The following RXRG variants were observed in gnomAD, a reference collection of about 807,000 sequenced individuals.
The protein encoded by RXRG is retinoic acid receptor RXR-gamma.
A neutral mutation model predicts 49.2 loss-of-function variants in RXRG; 19 were observed. The ratio of observed to expected loss-of-function variants is 0.39; its 90% CI spans 0.27 to 0.57. The LOEUF (loss-of-function observed/expected upper bound fraction) is 0.57. Ranked by LOEUF, RXRG falls within the 20% of genes least tolerant of loss-of-function variation. The pLI is 0.64. For synonymous variants in RXRG, 224 were observed against 216.6 expected, an observed-to-expected ratio of 1.03 and a Z score of -0.30; for missense variants, 452 against 592.5, an observed-to-expected ratio of 0.76 and a Z score of 2.46.
At chr1:165,442,292 A>G (rs906914145) in intron 1 of RXRG, among the ~76,000 whole-genome samples, 3 of 152,240 alleles carry the variant, frequency 2.0e-5, no homozygotes, top group Non-Finnish European at 4.4e-5. Context: ...ACGGGGGCAG[A>G]GTCCTTTGGC....
At chr1:165,423,237 A>C (rs1658379281) in intron 2 of RXRG, among the ~76,000 whole-genome samples, 2 of 152,186 alleles carry the variant, frequency 1.3e-5, no homozygotes, top group Non-Finnish European at 2.9e-5. Context: ...CAAGTCCCCC[A>C]ATCCCGGCTG....
intron 8 of RXRG, among the ~76,000 whole-genome samples, chr1:165,408,014 T>G (rs1359267265): frequency 6.6e-6 from 1 of 152,202 alleles, no homozygotes; most frequent in African/African-American, 2.4e-5. Context: ...ACCGTCATCT[T>G]TCATCTTCCC....
chr1:165,433,868 A>G (rs566360260), intron 1 of RXRG, among the ~76,000 whole-genome samples: 1 of 152,344 alleles, frequency 6.6e-6, no homozygotes, highest in African/African-American at 2.4e-5. Flanking sequence ...TAAGAGTGTC[A>G]CCAGGAGCCA....
chr1:165,406,756 G>A (rs1405843353), intron 9 of RXRG, 56 bp downstream of exon 9: 1 of 1,232,172 alleles, frequency 8.1e-7, no homozygotes, highest in South Asian at 1.2e-5. Flanking sequence ...GGGCTCAGTA[G>A]ATGAAGAGTG....
At chr1:165,423,531 G>T (rs1469676058) in intron 2 of RXRG, among the ~76,000 whole-genome samples, 1 of 152,198 alleles carries the variant, frequency 6.6e-6, no homozygotes. Context: ...CCCGTTCCAG[G>T]GAGCAGAACT....
chr1:165,433,318 C>A (rs1032085606), intron 1 of RXRG, among the ~76,000 whole-genome samples: 2 of 152,132 alleles, frequency 1.3e-5, no homozygotes, highest in Admixed American at 6.5e-5. Context: ...TTTTGTAGCA[C>A]AAGATACCAG....
At chr1:165,433,027 T>C (rs76970837) in intron 1 of RXRG, among the ~76,000 whole-genome samples, 2,394 of 152,254 alleles carry the variant, frequency 0.016, 67 homozygotes, top group African/African-American at 0.054. Flanking sequence ...ATTAATGCAC[T>C]TATAAGAGAG....
At chr1:165,436,800 G>T in intron 1 of RXRG, 2 of 497,834 alleles carry the variant, frequency 4.0e-6, no homozygotes, top group South Asian at 7.2e-5. Flanking sequence ...GGAGTTCCTT[G>T]GCCTCTTTTA....
rs1658246869 is a variant in RXRG, at chr1:165,419,752, C to T, written c.442+118G>A. The T allele has an allele frequency of 7.3e-6, 6 of 821,670 alleles. No homozygotes were observed. In the South Asian group the frequency reaches 1.4e-4, roughly 19 times the overall value. The allele number at this position is 821,670 out of a possible 1,614,324, so 50.9% of individuals were successfully genotyped here. A position where few individuals can be genotyped will look rare whatever the true frequency, so the allele number is the denominator to read the frequency against. On this transcript the variant is annotated intron_variant, in intron 3 of 9. Transcript: ENST00000359842. ...AGTGACATAAACGTATAGGTGGGTC[C>T]CCAGTTAGCCCATCCTAAAGGGCCA...
rs749059779 is a variant in RXRG at position 165,410,772 on chromosome 1, A to G, written c.843T>C (p.Val281=). 6.2e-7 allele frequency: 1 copy of G among 1,614,166 alleles called. No individual in the cohort carries two copies. The highest frequency in any genetic ancestry group is 1.1e-5 in the South Asian group (1 of 91,086). ...AGTGGGGAATACGCTTGGCCCATTC[A>G]ACGAGGGTGAAAAGCTGCTTGTCAG... ...HAADKQLFTL[V]EWAKRIPHFS... Residue 281 remains valine, a synonymous_variant, in exon 6 of 10, where the codon GTT becomes GTC. Coordinates refer to ENST00000359842, the MANE Select transcript of RXRG (RefSeq NM_006917.5).
chr1:165,420,751 A>G (rs989145539), intron 2 of RXRG, among the ~76,000 whole-genome samples: 17 of 152,226 alleles, frequency 1.1e-4, no homozygotes, highest in Admixed American at 1.1e-3. Flanking sequence ...TTCACCAAAG[A>G]AAGCAAATTG....
In RXRG at chr1:165,408,234, A is replaced by G. The variant is rs1057090775; in HGVS notation, c.1131T>C (p.Phe377=). 6.2e-7 allele frequency: 1 copy of G among 1,613,592 alleles called. No homozygotes were observed. The highest frequency in any genetic ancestry group is 1.7e-5 in the Admixed American group (1 of 60,024). ...ELGCLRAIVL[F]NPDAKGLSNP... is the part of the protein sequence containing the mutation. Reference sequence around the variant, plus strand: ...GGGTTGAAGGGCGGTTACCTGGGTTAAAGAGTACAATGGCTCGCAGGCATC... The same window carrying G: ...GGGTTGAAGGGCGGTTACCTGGGTTGAAGAGTACAATGGCTCGCAGGCATC... The change falls in exon 8 of 10, where the codon TTT becomes TTC. Residue 377 remains phenylalanine, a synonymous_variant. Transcript: ENST00000359842.
intron 1 of RXRG, chr1:165,436,959 A>G: frequency 3.5e-6 from 4 of 1,134,940 alleles, no homozygotes; most frequent in Non-Finnish European, 4.4e-6. Context: ...TTCAAAAAGC[A>G]TTTACAAGAT....
chr1:165,433,455 C>T (rs1455061006), intron 1 of RXRG, among the ~76,000 whole-genome samples: 1 of 152,152 alleles, frequency 6.6e-6, no homozygotes, highest in Non-Finnish European at 1.5e-5. Context: ...GGCACCTATG[C>T]CAGATGCCTG....
At chr1:165,434,601 T>C (rs914896225) in intron 1 of RXRG, among the ~76,000 whole-genome samples, 5 of 152,056 alleles carry the variant, frequency 3.3e-5, no homozygotes, top group Admixed American at 6.6e-5. Context: ...TGCCCACCCA[T>C]GGGGAAAGGG....
At chr1:165,412,441 A>G (rs1490145378) in intron 4 of RXRG, among the ~76,000 whole-genome samples, 1 of 152,126 alleles carries the variant, frequency 6.6e-6, no homozygotes, top group Non-Finnish European at 1.5e-5. Flanking sequence ...AAAAGAGGGG[A>G]AAAAACCTGT....
chr1:165,419,397 T>TA (rs977648327), intron 3 of RXRG, among the ~76,000 whole-genome samples: 128 of 144,312 alleles, frequency 8.9e-4, no homozygotes, highest in African/African-American at 3.0e-3. Context: ...TTCTTAATAC[T>TA]TTTTTTTTTT....
At chr1:165,409,512 CA>C in intron 7 of RXRG, 45 bp downstream of exon 7, 2 of 1,396,760 alleles carry the variant, frequency 1.4e-6, no homozygotes, top group Non-Finnish European at 1.9e-6. Context: ...CACACACACA[CA>C]CACACACATA....
At chr1:165,444,357 G>T (rs114062783) in intron 1 of RXRG, among the ~76,000 whole-genome samples, 1 of 152,126 alleles carries the variant, frequency 6.6e-6, no homozygotes, top group African/African-American at 2.4e-5. Flanking sequence ...CCAATTAAAG[G>T]GAAATCTGCT....
Sources: allele counts gnomAD v4.1 joint callset (sites outside exome capture counted in the v4.1 genomes callset), GRCh38; gene constraint gnomAD v4.1.1; transcripts MANE v1.5; gene names NCBI Gene and HGNC (gene_info 2026-07-23, HGNC 2026-07-21).